PHRF1: variants seen among roughly 807,000 people sequenced by gnomAD.
PHRF1 encodes PHD and RING finger domain-containing protein 1.
In PHRF1, 53 loss-of-function variants were observed where a neutral mutation model predicts 128.9. That is an observed-to-expected ratio of 0.41 (90% CI 0.33 to 0.52). The LOEUF is 0.52. PHRF1 is among the 20% of genes least tolerant of loss of function. The probability of loss-of-function intolerance (pLI) is 0.21; values close to 1 mark genes in which losing one functional copy is unlikely to be tolerated. For synonymous variants in PHRF1, 1,178 were observed against 980.6 expected, an observed-to-expected ratio of 1.20 and a Z score of -3.76; for missense variants, 2,503 against 2,284.5, an observed-to-expected ratio of 1.10 and a Z score of -1.95.
In PHRF1 at chr11:607,925, G is replaced by A. The variant is rs1177131854; in HGVS notation, c.2469G>A (p.Lys823=). The A allele has an allele frequency of 1.2e-6, 2 of 1,612,552 alleles. No individual in the cohort carries two copies. Among genetic ancestry groups the A allele is most frequent in the Non-Finnish European group, 8.5e-7 (1 of 1,179,868 alleles). ...CCCTCTTCTCCATCAAGAAGACGAAGCAGCTGCGGAGCGAGGTCTACGACC... is the reference window on the plus strand; with the variant it reads ...CCCTCTTCTCCATCAAGAAGACGAAACAGCTGCGGAGCGAGGTCTACGACC... The part of the protein sequence containing the change: ...PSPLFSIKKT[K]QLRSEVYDPS... The change falls in exon 14 of 18, where the codon AAG becomes AAA. Residue 823 remains lysine, a synonymous_variant. Transcript: ENST00000264555.
At position 611,825 on chromosome 11, in the gene PHRF1, G is replaced by A; in HGVS notation, c.*48G>A. 1 of 1,545,666 alleles carries A rather than the reference G, an allele frequency of 6.5e-7. No homozygotes were observed. The highest frequency in any genetic ancestry group is 1.2e-5 in the South Asian group (1 of 84,914). ...CCCGGGGAGCTGTCGGGAGTGGCGG[G>A]AATCGGGGCCATGCCCGGGGAGCTG... is the stretch of plus-strand genomic sequence containing the variant. On this transcript the variant is annotated 3_prime_UTR_variant, in exon 18 of 18. Transcript: ENST00000264555.
At chr11:588,540 A>AG (rs1564843864) in intron 4 of PHRF1, among the ~76,000 whole-genome samples, 2 of 151,910 alleles carry the variant, frequency 1.3e-5, no homozygotes, top group Non-Finnish European at 2.9e-5. Context: ...CCACCACGCC[A>AG]GGGCAATTTT....
chr11:578,654 C>G (rs1417299777), intron 1 of PHRF1, among the ~76,000 whole-genome samples: 10 of 152,214 alleles, frequency 6.6e-5, no homozygotes, highest in Non-Finnish European at 8.8e-5. Flanking sequence ...CAGCCTCGAA[C>G]TCCTGAGCTG....
chr11:607,604 C>G lies in PHRF1; in HGVS notation c.2148C>G (p.Gly716=). The G allele has an allele frequency of 6.2e-7, 1 of 1,612,410 alleles. No homozygotes were observed. The highest frequency in any genetic ancestry group is 8.5e-7 in the Non-Finnish European group (1 of 1,179,818). ...GTGCCTGCATCAGCCGACTGACTGGCAGGGAGGGCACCGGGCAGCCAGGGC... is the reference window on the plus strand; with the variant it reads ...GTGCCTGCATCAGCCGACTGACTGGGAGGGAGGGCACCGGGCAGCCAGGGC... ...IPSACISRLT[G]REGTGQPGRG... Residue 716 remains glycine (G), a synonymous_variant, in exon 14 of 18, where the codon GGC becomes GGG. Coordinates refer to ENST00000264555, the MANE Select transcript of PHRF1 (RefSeq NM_001286581.2).
At chr11:582,839 C>A (rs1459504740) in intron 3 of PHRF1, among the ~76,000 whole-genome samples, 1 of 151,312 alleles carries the variant, frequency 6.6e-6, no homozygotes, top group Non-Finnish European at 1.5e-5. Context: ...TCAAGACGAG[C>A]CTGGCCAGCA....
Position 608,139 on chromosome 11 carries a change from C to G in PHRF1, c.2683C>G (p.Pro895Ala). The G allele has an allele frequency of 6.2e-7, 1 of 1,611,458 alleles. No homozygotes were observed. Among genetic ancestry groups the G allele is most frequent in the Admixed American group, 1.7e-5 (1 of 60,036 alleles). The change falls in exon 14 of 18, where the codon CCT becomes GCT. Residue 895 changes from proline (P) to alanine (A), a missense_variant. Physicochemically the swap from Pro to Ala is conservative, Grantham distance 27 (BLOSUM62 -1). Transcript: ENST00000264555. Reference sequence around the variant, plus strand: ...CATCTTTGGTACAGAGCCCGAACCCCCTCTCGGACCGTCCTCCGCCATGTC... The same window carrying G: ...CATCTTTGGTACAGAGCCCGAACCCGCTCTCGGACCGTCCTCCGCCATGTC... ...ESIFGTEPEP[P>A]LGPSSAMSKL...
rs1485722815 is a variant in PHRF1 at position 607,345 on chromosome 11, C to G, written c.1889C>G (p.Pro630Arg). The G allele has an allele frequency of 1.2e-6, 2 of 1,612,648 alleles. No homozygotes were observed. The highest frequency in any genetic ancestry group is 1.3e-5 in the African/African-American group (1 of 74,940). The change falls in exon 14 of 18, where the codon CCC becomes CGC. Residue 630 changes from proline to arginine, a missense_variant. Pro to Arg is a moderately radical substitution (Grantham distance 103, BLOSUM62 -2). Coordinates refer to ENST00000264555, the MANE Select transcript of PHRF1 (RefSeq NM_001286581.2). The part of the protein sequence containing the change: ...SVPGFRQSHS[P>R]WFNGTNKHTL... ...CCTGGCTTCAGACAGAGCCACAGCCCCTGGTTCAACGGCACCAACAAGCAC... is the reference window on the plus strand; with the variant it reads ...CCTGGCTTCAGACAGAGCCACAGCCGCTGGTTCAACGGCACCAACAAGCAC...
At chr11:587,536 G>A (rs1854644055) in intron 4 of PHRF1, 72 bp downstream of exon 4, 5 of 1,488,416 alleles carry the variant, frequency 3.4e-6, no homozygotes, top group East Asian at 2.3e-5. Context: ...CCCAGCCTGT[G>A]TTCAGCCTCT....
intron 9 of PHRF1, among the ~76,000 whole-genome samples, chr11:600,236 A>G (rs1383348007): frequency 2.0e-5 from 3 of 150,802 alleles, no homozygotes; most frequent in Non-Finnish European, 2.9e-5. Context: ...CCCCGATAGG[A>G]ACACATTATT....
At chr11:588,591 C>G (rs1368805364) in intron 4 of PHRF1, among the ~76,000 whole-genome samples, 1 of 151,900 alleles carries the variant, frequency 6.6e-6, no homozygotes, top group Non-Finnish European at 1.5e-5. Context: ...GTTGGTCAGG[C>G]TGGTCTTGAA....
chr11:578,650 C>T (rs961853546), intron 1 of PHRF1, among the ~76,000 whole-genome samples: 5 of 152,194 alleles, frequency 3.3e-5, no homozygotes, highest in Non-Finnish European at 7.3e-5. Flanking sequence ...ACTGCAGCCT[C>T]GAACTCCTGA....
At chr11:592,319 G>T (rs945826584) in intron 5 of PHRF1, among the ~76,000 whole-genome samples, 1 of 150,998 alleles carries the variant, frequency 6.6e-6, no homozygotes, top group East Asian at 2.0e-4. Context: ...GGGCTTACCC[G>T]CTCCTTTCCG....
intron 1 of PHRF1, among the ~76,000 whole-genome samples, chr11:578,366 C>G (rs959878254): frequency 2.0e-5 from 3 of 152,170 alleles, no homozygotes; most frequent in East Asian, 1.9e-4. Context: ...GTAAGAGGCC[C>G]GTGGAGTCTT....
intron 10 of PHRF1, among the ~76,000 whole-genome samples, chr11:602,855 C>T (rs372479049): frequency 5.3e-5 from 8 of 150,918 alleles, no homozygotes; most frequent in Non-Finnish European, 1.0e-4. Flanking sequence ...CTCCACCTCC[C>T]GGGTTCAAGT....
chr11:603,580 C>T (rs1244087429), intron 10 of PHRF1, among the ~76,000 whole-genome samples: 1 of 152,154 alleles, frequency 6.6e-6, no homozygotes, highest in Admixed American at 6.6e-5. Context: ...AATGATCCTC[C>T]TGCCTCAACC....
At chr11:577,052 C>T (rs749898436) in intron 1 of PHRF1, among the ~76,000 whole-genome samples, 2 of 152,224 alleles carry the variant, frequency 1.3e-5, no homozygotes, top group African/African-American at 2.4e-5. Flanking sequence ...AGAGCTGTGA[C>T]TTCGTTGCCT....
At position 587,412 on chromosome 11, in the gene PHRF1, C is replaced by T. The variant is rs1418643169; in HGVS notation, c.368C>T (p.Pro123Leu). The change falls in exon 4 of 18, where the codon CCG (proline) becomes CTG (leucine). Residue 123 changes from proline to leucine, a missense_variant. By Grantham distance (98) the Pro-to-Leu change is moderately conservative (BLOSUM62 -3). Coordinates refer to ENST00000264555, the MANE Select transcript of PHRF1 (RefSeq NM_001286581.2). Reference sequence around the variant, plus strand: ...TTCAGAGACCAGGCCGTGGGGACGCCGGAGAACTGTGCCCATTACTTCTGC... The same window carrying T: ...TTCAGAGACCAGGCCGTGGGGACGCTGGAGAACTGTGCCCATTACTTCTGC... Reference protein sequence around the residue: ...NAFRDQAVGTPENCAHYFCLD... With the variant: ...NAFRDQAVGTLENCAHYFCLD... 3.1e-6 allele frequency: 5 copies of T among 1,613,634 alleles called. No individual in the cohort carries two copies. Among genetic ancestry groups the T allele is most frequent in the East Asian group, 2.2e-5 (1 of 44,898 alleles).
In PHRF1 at chr11:612,094, C is replaced by A. The variant is rs888856032; in HGVS notation, c.*317C>A. On this transcript the variant is annotated 3_prime_UTR_variant, in exon 18 of 18. Coordinates refer to ENST00000264555, the MANE Select transcript of PHRF1 (RefSeq NM_001286581.2). ...TTGACTTACTACTTGGAAGATAAAG[C>A]ACTTGGTGATCAAGAGGGGCTCCTG... 5.0e-6 allele frequency: 2 copies of A among 398,154 alleles called. No individual in the cohort carries two copies. The highest frequency in any genetic ancestry group is 9.0e-6 in the Non-Finnish European group (2 of 222,636). The allele number at this position is 398,154 out of a possible 1,614,324, so 24.7% of individuals were successfully genotyped here.
intron 4 of PHRF1, among the ~76,000 whole-genome samples, chr11:588,291 T>G (rs961180209): frequency 6.6e-6 from 1 of 152,244 alleles, no homozygotes; most frequent in African/African-American, 2.4e-5. Flanking sequence ...GGCTGTGATG[T>G]CACCCAAAGT....
Sources: gnomAD v4.1 joint callset for allele counts (sites outside exome capture counted in the v4.1 genomes callset) on GRCh38, gnomAD v4.1.1 for gene constraint, MANE v1.5 for transcripts, NCBI Gene and HGNC (gene_info 2026-07-23, HGNC 2026-07-21) for gene names.